SLIT1: variants seen among roughly 807,000 people sequenced by gnomAD.
SLIT1 encodes the protein slit guidance ligand 1.
In SLIT1, 66 loss-of-function variants were observed where a neutral mutation model predicts 186.1. The ratio of observed to expected loss-of-function variants is 0.35; its 90% CI spans 0.29 to 0.44. The LOEUF (loss-of-function observed/expected upper bound fraction) is 0.44, where lower values mean the gene tolerates loss of function less well. Ranked by LOEUF, SLIT1 falls within the 20% of genes least tolerant of loss-of-function variation. The pLI, the probability that SLIT1 is intolerant of heterozygous loss-of-function variation, is 1.00. For synonymous variants in SLIT1, 761 were observed against 833.8 expected (o/e 0.91, Z 1.50); for missense variants, 1,638 against 2,037.4 (o/e 0.80, Z 3.77).
chr10:97,063,720 T>TTGGCTTGAACA, intron 7 of SLIT1, 102 bp from the exon 8 acceptor site: 2 of 1,286,328 alleles, frequency 1.6e-6, no homozygotes, highest in Non-Finnish European at 2.1e-6. Context: ...GGTGCTGTGT[T>TTGGCTTGAACA]CAAGCCAAAC....
chr10:97,178,790 A>AGT (rs57432718), intron 1 of SLIT1, among the ~76,000 whole-genome samples: 128 of 150,680 alleles, frequency 8.5e-4, no homozygotes, highest in African/African-American at 2.0e-3. Context: ...AGAGAGAGAA[A>AGT]GTGTGTGTGT....
At chr10:97,077,521 T>C (rs1171393609) in intron 4 of SLIT1, among the ~76,000 whole-genome samples, 1 of 152,238 alleles carries the variant, frequency 6.6e-6, no homozygotes, top group Non-Finnish European at 1.5e-5. Flanking sequence ...CCCTGCAGCC[T>C]GGATTCAAAA....
chr10:97,171,237 C>G (rs188914967), intron 1 of SLIT1, among the ~76,000 whole-genome samples: 1 of 152,088 alleles, frequency 6.6e-6, no homozygotes, highest in Admixed American at 6.5e-5. Flanking sequence ...CCAGCCACTG[C>G]GCAGACAGCA....
chr10:97,086,984 G>C (rs886437291), intron 4 of SLIT1, among the ~76,000 whole-genome samples: 2 of 152,040 alleles, frequency 1.3e-5, no homozygotes, highest in Non-Finnish European at 2.9e-5. Context: ...TGATAACAGG[G>C]GAGGCTGTGC....
Position 97,014,141 on chromosome 10 carries a change from C to T in SLIT1, c.2987G>A (p.Gly996Asp). 6.2e-7 allele frequency: 1 copy of T among 1,613,876 alleles called. No individual in the cohort carries two copies. Among genetic ancestry groups the T allele is most frequent in the East Asian group, 2.2e-5 (1 of 44,870 alleles). The change falls in exon 29 of 37, where the codon GGC becomes GAC. Residue 996 changes from glycine (G) to aspartate (D), a missense_variant. Physicochemically the swap from Gly to Asp is moderately conservative, Grantham distance 94 (BLOSUM62 -1). Transcript: ENST00000266058. The stretch of plus-strand genomic sequence containing the variant: ...CACCCCACAGGTTGGTCCTTCAAAG[C>T]CGGTGGGACAGGAGCACCTGTGCGG... ...DAPFTCSCPT[G>D]FEGPTCGVNT...
intron 4 of SLIT1, among the ~76,000 whole-genome samples, chr10:97,124,536 T>G (rs1254795235): frequency 6.6e-6 from 1 of 152,170 alleles, no homozygotes; most frequent in East Asian, 1.9e-4. Context: ...TAGGAGCAAA[T>G]GTACACTGGG....
chr10:97,065,233 T>G (rs1176411725), intron 5 of SLIT1, among the ~76,000 whole-genome samples: 1 of 152,074 alleles, frequency 6.6e-6, no homozygotes, highest in African/African-American at 2.4e-5. Flanking sequence ...AGCAGTGACA[T>G]CCAGAGCTGG....
intron 4 of SLIT1, among the ~76,000 whole-genome samples, chr10:97,138,716 T>C (rs1380878332): frequency 6.6e-6 from 1 of 152,124 alleles, no homozygotes; most frequent in Admixed American, 6.6e-5. Flanking sequence ...GGTGACCAAA[T>C]TTGAATATGT....
At chr10:97,133,517 TG>T (rs1849674082) in intron 4 of SLIT1, among the ~76,000 whole-genome samples, 1 of 152,058 alleles carries the variant, frequency 6.6e-6, no homozygotes, top group Non-Finnish European at 1.5e-5. Flanking sequence ...GGTGGGGCAA[TG>T]GGAGTTGTCA....
At chr10:97,088,691 T>A (rs894751193) in intron 4 of SLIT1, among the ~76,000 whole-genome samples, 3 of 152,184 alleles carry the variant, frequency 2.0e-5, no homozygotes, top group Non-Finnish European at 2.9e-5. Flanking sequence ...AATCTCTGCA[T>A]CCTGCTAACA....
chr10:97,164,973 C>A, intron 1 of SLIT1, 83 bp from the exon 2 acceptor site: 1 of 1,034,662 alleles, frequency 9.7e-7, no homozygotes, highest in Non-Finnish European at 1.5e-6. Context: ...GTGCCCTCCC[C>A]GCCTGGATCA....
rs191458535 is a variant in SLIT1 at position 97,079,148 on chromosome 10, T to C, written c.414-13062A>G. Among the ~76,000 whole-genome samples, 168 of 152,336 alleles carry C rather than the reference T, an allele frequency of 1.1e-3. 1 individual carries two copies. Among genetic ancestry groups the C allele is most frequent in the African/African-American group, 3.9e-3 (163 of 41,580 alleles). On this transcript the variant is annotated intron_variant, in intron 4 of 36. Transcript: ENST00000266058. ...TGGTTACTCATGGGTAGAGGAGGGT[T>C]AATCACATCTCCCTCTTGCTGAGTT...
intron 4 of SLIT1, among the ~76,000 whole-genome samples, chr10:97,132,963 T>G (rs1401996478): frequency 6.6e-6 from 1 of 152,138 alleles, no homozygotes. Flanking sequence ...CGGCCCCACG[T>G]CCAAGGCAGG....
intron 21 of SLIT1, among the ~76,000 whole-genome samples, chr10:97,038,799 C>T (rs1848664598): frequency 6.6e-6 from 1 of 152,232 alleles, no homozygotes; most frequent in Non-Finnish European, 1.5e-5. Context: ...ACTTCCCACC[C>T]ATCTCGTTTG....
Position 97,047,758 on chromosome 10 carries a change from G to A in SLIT1, c.1566C>T (p.Asn522=), listed in dbSNP as rs149895907. 14 of 1,613,960 alleles carry A rather than the reference G, an allele frequency of 8.7e-6. No individual in the cohort carries two copies. The highest frequency in any genetic ancestry group is 8.0e-5 in the African/African-American group (6 of 74,942). ...VCPHKCRCEA[N]VVECSSLKLT... is the part of the protein sequence containing the mutation. ...GCTTCAGGCTGGAGCACTCCACCAC[G>A]TTGGCCTCACAGCGGCACTTGTGGG... Residue 522 remains asparagine (N), a synonymous_variant, in exon 16 of 37, where the codon AAC becomes AAT. Coordinates refer to ENST00000266058, the MANE Select transcript of SLIT1 (RefSeq NM_003061.3).
chr10:97,132,083 T>G (rs1455963582), intron 4 of SLIT1, among the ~76,000 whole-genome samples: 2 of 152,220 alleles, frequency 1.3e-5, no homozygotes, highest in African/African-American at 4.8e-5. Flanking sequence ...ATTGAAGCCC[T>G]GTGGCTGCAT....
At chr10:97,166,790 A>G (rs1019736990) in intron 1 of SLIT1, among the ~76,000 whole-genome samples, 1 of 152,180 alleles carries the variant, frequency 6.6e-6, no homozygotes, top group Non-Finnish European at 1.5e-5. Context: ...ACTGGGCATT[A>G]TGCACACCCT....
intron 25 of SLIT1, among the ~76,000 whole-genome samples, chr10:97,023,827 CA>C (rs1281675527): frequency 6.6e-6 from 1 of 152,136 alleles, no homozygotes; most frequent in Non-Finnish European, 1.5e-5. Flanking sequence ...CCTGTAGCCC[CA>C]GCTACTCGGA....
chr10:97,061,634 T>C (rs1848894679), intron 8 of SLIT1, among the ~76,000 whole-genome samples: 1 of 152,256 alleles, frequency 6.6e-6, no homozygotes, highest in East Asian at 1.9e-4. Flanking sequence ...AGTTTGTTCT[T>C]TTTCATTGCT....
Sources: gnomAD v4.1 joint callset for allele counts (sites outside exome capture counted in the v4.1 genomes callset) on GRCh38, gnomAD v4.1.1 for gene constraint, MANE v1.5 for transcripts, NCBI Gene and HGNC (gene_info 2026-07-23, HGNC 2026-07-21) for gene names.